Variants in BRME1 observed in about 807,000 individuals in gnomAD.
The protein encoded by BRME1 is BRCA2 and MEILB2-associating protein 1.
In BRME1, 31 loss-of-function variants were observed where a neutral mutation model predicts 52.6. The observed-to-expected ratio is 0.59, with a 90% confidence interval of 0.44 to 0.80. The LOEUF (loss-of-function observed/expected upper bound fraction) is 0.80. Ranked by LOEUF, BRME1 falls within the 30% of genes least tolerant of loss-of-function variation. The pLI is 0.00. For synonymous variants in BRME1, 359 were observed against 353.6 expected (o/e 1.02, Z -0.17); for missense variants, 804 against 860.3 (o/e 0.93, Z 0.82).
Position 13,890,421 on chromosome 19 carries a change from C to T in BRME1, c.435G>A (p.Gln145=), listed in dbSNP as rs756153411. 3 of 1,516,370 alleles carry T rather than the reference C, an allele frequency of 2.0e-6. No homozygotes were observed. The highest frequency in any genetic ancestry group is 2.6e-6 in the Non-Finnish European group (3 of 1,139,600). 93.9% of individuals were successfully genotyped at this position (1,516,370 alleles called of 1,614,324 possible). A position where few individuals can be genotyped will look rare whatever the true frequency, so the allele number is the denominator to read the frequency against. ...GGACCCCCAGGGTCTCCACTAGCAG[C>T]TGGCATCCTGGACTCTGGGCGCTGG... ...AESSAQSPGC[Q]LLVETLGVPL... is the part of the protein sequence containing the mutation. The change falls in exon 6 of 9, where the codon CAG becomes CAA. Residue 145 remains glutamine, a synonymous_variant. Transcript: ENST00000586783.
At chr19:13,887,770 C>T (rs1408679226) in intron 6 of BRME1, among the ~76,000 whole-genome samples, 1 of 143,022 alleles carries the variant, frequency 7.0e-6, no homozygotes, top group Non-Finnish European at 1.5e-5. Context: ...CTGTGACTCA[C>T]TTTTTTTTTT....
At chr19:13,900,452 T>G (rs1407587574) in intron 2 of BRME1, among the ~76,000 whole-genome samples, 2 of 152,188 alleles carry the variant, frequency 1.3e-5, no homozygotes, top group Non-Finnish European at 2.9e-5. Flanking sequence ...AGAGAAATTC[T>G]GATGCCTCCA....
At chr19:13,894,509 A>G (rs1969742671) in intron 3 of BRME1, among the ~76,000 whole-genome samples, 1 of 149,698 alleles carries the variant, frequency 6.7e-6, no homozygotes, top group Non-Finnish European at 1.5e-5. Flanking sequence ...TGGGTGACAG[A>G]GAAAGACCCT....
Position 13,889,948 on chromosome 19 carries a change from G to A in BRME1, c.908C>T (p.Ser303Phe), listed in dbSNP as rs2145149988. ...GPASWCLEPG[S>F]VAQGSPDPQQ... is the part of the protein sequence containing the mutation. ...GGGGTCAGGGGAGCCCTGGGCCACA[G>A]ACCCGGGTTCCAGGCACCAAGAGGC... is the stretch of plus-strand genomic sequence containing the variant. The change falls in exon 6 of 9, where the codon TCT becomes TTT. Residue 303 changes from serine (S) to phenylalanine (F), a missense_variant. Physicochemically the swap from Ser to Phe is radical, Grantham distance 155 (BLOSUM62 -2). Coordinates refer to ENST00000586783, the MANE Select transcript of BRME1 (RefSeq NM_001345843.2). 1 of 1,612,654 alleles carries A rather than the reference G, an allele frequency of 6.2e-7. No homozygotes were observed. Among genetic ancestry groups the A allele is most frequent in the Admixed American group, 1.7e-5 (1 of 60,026 alleles).
intron 7 of BRME1, among the ~76,000 whole-genome samples, chr19:13,884,172 C>T (rs1968835877): frequency 6.6e-6 from 1 of 152,114 alleles, no homozygotes; most frequent in African/African-American, 2.4e-5. Flanking sequence ...AGACCCCCAT[C>T]TCTACAAATA....
At chr19:13,886,781 G>A (rs1176246805) in intron 6 of BRME1, among the ~76,000 whole-genome samples, 2 of 137,778 alleles carry the variant, frequency 1.5e-5, no homozygotes, top group Admixed American at 7.3e-5. Flanking sequence ...GCAACACGGC[G>A]AGACCCTGTC....
chr19:13,902,295 T>TGCTACTGCACTCCA (rs2145233765), intron 2 of BRME1, among the ~76,000 whole-genome samples: 1 of 152,042 alleles, frequency 6.6e-6, no homozygotes, highest in South Asian at 2.1e-4. Flanking sequence ...GTCAAGATCG[T>TGCTACTGCACTCCA]GCCACTGCAC....
rs368853141 is a variant in BRME1, at chr19:13,889,779, G to A, written c.1077C>T (p.Pro359=). ...LEERALEVAG[P]DGQASAISPA... The stretch of plus-strand genomic sequence containing the variant: ...GTGATATGGCACTGGCCTGCCCATC[G>A]GGCCCAGCCACCTCCAGAGCCCTCT... The change falls in exon 6 of 9, where the codon CCC becomes CCT. Residue 359 remains proline (P), a synonymous_variant. Transcript: ENST00000586783. The A allele has an allele frequency of 1.2e-5, 19 of 1,612,074 alleles. No individual in the cohort carries two copies. Among genetic ancestry groups the A allele is most frequent in the Middle Eastern group, 3.3e-4 (2 of 6,056 alleles).
In BRME1 at chr19:13,895,538, G is replaced by C; in HGVS notation, c.40C>G (p.Leu14Val). The C allele has an allele frequency of 6.2e-7, 1 of 1,612,686 alleles. No individual in the cohort carries two copies. The change falls in exon 3 of 9, where the codon CTC becomes GTC. Residue 14 changes from leucine to valine, a missense_variant. Leu to Val is a conservative substitution (Grantham distance 32). Transcript: ENST00000586783. ...RKKLRTSGEG[L>V]CPPKPLKNPR... ...TTCTTTAGGGGTTTTGGAGGACAGA[G>C]TCCCTCTCCTGTTTTAGAGACAGAG...
In BRME1 at chr19:13,886,015, C is replaced by T. The variant is rs1279197766; in HGVS notation, c.1709G>A (p.Gly570Asp). 1 of 1,613,970 alleles carries T rather than the reference C, an allele frequency of 6.2e-7. No individual in the cohort carries two copies. The highest frequency in any genetic ancestry group is 1.7e-5 in the Admixed American group (1 of 60,020). ...SGNKPGPCWPGPSSHANGDPV... is the reference protein window; with the variant it reads ...SGNKPGPCWPDPSSHANGDPV... ...GTCTCCATTGGCATGTGAGCTGGGGCCCGGCCAGCAAGGGCCCGGCTTGTT... is the reference window on the plus strand; with the variant it reads ...GTCTCCATTGGCATGTGAGCTGGGGTCCGGCCAGCAAGGGCCCGGCTTGTT... Residue 570 changes from glycine (G) to aspartate (D), a missense_variant, in exon 7 of 9, where the codon GGC becomes GAC. By Grantham distance (94) the Gly-to-Asp change is moderately conservative (BLOSUM62 -1). This residue lies in a region of BRME1 where 552 missense variants were observed against 561.1 expected (regional missense o/e 0.98). Transcript: ENST00000586783.
intron 4 of BRME1, 43 bp from the exon 5 acceptor site, chr19:13,892,933 G>A (rs1568382998): frequency 6.4e-7 from 1 of 1,573,592 alleles, no homozygotes; most frequent in Non-Finnish European, 8.7e-7. Flanking sequence ...AAAGATAAGA[G>A]AGGAATGAGG....
chr19:13,891,242 C>T (rs1443787772), intron 5 of BRME1, among the ~76,000 whole-genome samples: 2 of 151,488 alleles, frequency 1.3e-5, no homozygotes, highest in Admixed American at 6.6e-5. Context: ...CCCCACCTCC[C>T]GGGTTCACGC....
At position 13,882,741 on chromosome 19, in the gene BRME1, T is replaced by C. The variant is rs894193747; in HGVS notation, c.*61A>G. On this transcript the variant is annotated 3_prime_UTR_variant, in exon 9 of 9. Transcript: ENST00000586783. Reference sequence around the variant, plus strand: ...GTCCACTAGGACCCCCTGGAGCATCTTGGAGGAGGTCTGCGGACATGGGGG... The same window carrying C: ...GTCCACTAGGACCCCCTGGAGCATCCTGGAGGAGGTCTGCGGACATGGGGG... 46 of 1,601,344 alleles carry C rather than the reference T, an allele frequency of 2.9e-5. No homozygotes were observed. The highest frequency in any genetic ancestry group is 1.8e-4 in the Middle Eastern group (1 of 5,524).
chr19:13,895,266 C>T, intron 3 of BRME1, 106 bp downstream of exon 3: 1 of 1,241,132 alleles, frequency 8.1e-7, no homozygotes, highest in African/African-American at 1.5e-5. Context: ...GGTCACAGCA[C>T]TAGATAGGTT....
chr19:13,889,072 A>G, intron 6 of BRME1, 116 bp downstream of exon 6: 1 of 977,594 alleles, frequency 1.0e-6, no homozygotes, highest in Non-Finnish European at 1.5e-6. Context: ...GGCTGTGTAA[A>G]TGGTAAGCCC....
chr19:13,894,886 T>C (rs1031949067), intron 3 of BRME1, among the ~76,000 whole-genome samples: 1 of 151,998 alleles, frequency 6.6e-6, no homozygotes, highest in East Asian at 1.9e-4. Flanking sequence ...CAGTTAAAAC[T>C]TTTTTTTCTT....
rs1970554753 is a variant in BRME1, at chr19:13,904,793, A to G, written c.31+69T>C. 3.9e-6 allele frequency: 6 copies of G among 1,529,006 alleles called. No individual in the cohort carries two copies. In the South Asian group the frequency reaches 6.7e-5, roughly 17 times the overall value. 94.7% of individuals were successfully genotyped at this position (1,529,006 alleles called of 1,614,324 possible). ...GGCAGTCGTGTTAGCCAGATCTGCA[A>G]TAAACAAGCCCACATTCTTCCCACA... On this transcript the variant is annotated intron_variant, in intron 2 of 8. Transcript: ENST00000586783.
rs766928964 is a variant in BRME1 at position 13,893,216 on chromosome 19, C to G, written c.214G>C (p.Asp72His). 1 of 1,581,396 alleles carries G rather than the reference C, an allele frequency of 6.3e-7. No individual in the cohort carries two copies. The highest frequency in any genetic ancestry group is 8.6e-7 in the Non-Finnish European group (1 of 1,164,684). The change falls in exon 4 of 9, where the codon GAT becomes CAT. Residue 72 changes from aspartate (D) to histidine (H), a missense_variant. Asp to His is a moderately conservative substitution (Grantham distance 81, BLOSUM62 -1). Coordinates refer to ENST00000586783, the MANE Select transcript of BRME1 (RefSeq NM_001345843.2). Reference sequence around the variant, plus strand: ...CGGCAGGGAGATCCTGTTTCCTCATCAGGGGAGCTATGTAGGAAAAGATAA... The same window carrying G: ...CGGCAGGGAGATCCTGTTTCCTCATGAGGGGAGCTATGTAGGAAAAGATAA... Reference protein sequence around the residue: ...EPGKAVSSSPDEETGSPCRLL... With the variant: ...EPGKAVSSSPHEETGSPCRLL...
chr19:13,889,122 A>G, intron 6 of BRME1, 66 bp downstream of exon 6: 1 of 1,416,350 alleles, frequency 7.1e-7, no homozygotes, highest in Non-Finnish European at 9.5e-7. Flanking sequence ...CCGAGTGAGG[A>G]GGGGGCTTGT....
Sources: allele counts gnomAD v4.1 joint callset (sites outside exome capture counted in the v4.1 genomes callset), GRCh38; gene constraint gnomAD v4.1.1; regional missense constraint gnomAD v4.1.1; transcripts MANE v1.5; gene names NCBI Gene and HGNC (gene_info 2026-07-23, HGNC 2026-07-21).